The following NTRK3 variants were observed in gnomAD, a reference collection of about 807,000 sequenced individuals.
NTRK3 encodes neurotrophic receptor tyrosine kinase 3.
A neutral mutation model predicts 91.7 loss-of-function variants in NTRK3; 24 were observed. That is an observed-to-expected ratio of 0.26 (90% confidence interval 0.19 to 0.37). The LOEUF is 0.37. Ranked by LOEUF, NTRK3 falls within the 10% of genes least tolerant of loss-of-function variation. The probability of loss-of-function intolerance (pLI) is 1.00; values close to 1 mark genes in which losing one functional copy is unlikely to be tolerated. For missense variants in NTRK3, 880 were observed against 1,068.9 expected (o/e 0.82, Z 2.46); for synonymous variants, 483 against 404.0 (o/e 1.20, Z -2.34).
chr15:88,250,095 G>A (rs890896771), intron 3 of NTRK3, among the ~76,000 whole-genome samples: 3 of 152,192 alleles, frequency 2.0e-5, no homozygotes, highest in African/African-American at 7.2e-5. Context: ...GGGGCCGTAA[G>A]TATTCCCGCT....
chr15:88,147,132 T>C (rs1032286403), intron 6 of NTRK3, among the ~76,000 whole-genome samples: 3 of 152,146 alleles, frequency 2.0e-5, no homozygotes, highest in Non-Finnish European at 4.4e-5. Context: ...CTGAAATAGA[T>C]TGTGCCCAGA....
At chr15:88,005,787 A>G (rs553868450) in intron 14 of NTRK3, among the ~76,000 whole-genome samples, 200 of 152,260 alleles carry the variant, frequency 1.3e-3, no homozygotes, top group African/African-American at 4.3e-3. Flanking sequence ...TTCAATTTCC[A>G]TAACATTCCA....
intron 13 of NTRK3, among the ~76,000 whole-genome samples, chr15:88,088,180 TC>T (rs890963287): frequency 2.0e-5 from 3 of 152,206 alleles, no homozygotes; most frequent in African/African-American, 7.2e-5. Flanking sequence ...GGCCTCAGTT[TC>T]CCCACCTGTA....
intron 13 of NTRK3, among the ~76,000 whole-genome samples, chr15:88,088,624 T>G (rs1447533579): frequency 6.6e-6 from 1 of 152,172 alleles, no homozygotes; most frequent in Non-Finnish European, 1.5e-5. Flanking sequence ...TACATAGTCA[T>G]AGAAGTAATA....
rs767779609 is a variant in NTRK3, at chr15:87,984,609, T to C, written c.1586-43856A>G. Among the ~76,000 whole-genome samples the C allele has an allele frequency of 1.1e-4, 17 of 152,274 alleles. 1 individual carries two copies. Among genetic ancestry groups the C allele is most frequent in the Non-Finnish European group, 2.1e-4 (14 of 68,042 alleles). ...TTTTATTACTCTGAGATTGCAAACCTAACCCACAGGCCGTATATGGCCTTA... is the reference window on the plus strand; with the variant it reads ...TTTTATTACTCTGAGATTGCAAACCCAACCCACAGGCCGTATATGGCCTTA... On this transcript the variant is annotated intron_variant, in intron 14 of 18. Transcript: ENST00000394480.
At chr15:88,059,828 G>A (rs1567313576) in intron 13 of NTRK3, among the ~76,000 whole-genome samples, 1 of 152,208 alleles carries the variant, frequency 6.6e-6, no homozygotes, top group Non-Finnish European at 1.5e-5. Context: ...AGGTTAAAAT[G>A]AGGTCATTAG....
chr15:88,058,862 A>G (rs910461594), intron 13 of NTRK3, among the ~76,000 whole-genome samples: 4 of 152,200 alleles, frequency 2.6e-5, no homozygotes, highest in Non-Finnish European at 5.9e-5. Flanking sequence ...GAGGCAGTAA[A>G]GGGAGGACCT....
At chr15:88,249,834 A>C (rs1166396515) in intron 3 of NTRK3, among the ~76,000 whole-genome samples, 2 of 152,098 alleles carry the variant, frequency 1.3e-5, no homozygotes, top group East Asian at 3.9e-4. Flanking sequence ...ACATGAGCTG[A>C]TCACTCAGTT....
intron 14 of NTRK3, among the ~76,000 whole-genome samples, chr15:88,024,492 G>T (rs2077861898): frequency 6.6e-6 from 1 of 152,190 alleles, no homozygotes; most frequent in Non-Finnish European, 1.5e-5. Flanking sequence ...AAAGGAAGTT[G>T]AAGAGAACCA....
At chr15:88,162,634 TAGAAC>T (rs2044569542) in intron 5 of NTRK3, among the ~76,000 whole-genome samples, 2 of 152,306 alleles carry the variant, frequency 1.3e-5, no homozygotes, top group South Asian at 2.1e-4. Context: ...GATTACATGA[TAGAAC>T]AGAAGGGGAT....
intron 5 of NTRK3, among the ~76,000 whole-genome samples, chr15:88,160,706 C>G (rs536296627): frequency 6.6e-6 from 1 of 152,342 alleles, no homozygotes; most frequent in East Asian, 1.9e-4. Context: ...AGCAGACCCA[C>G]TTTTAGGACC....
At chr15:88,173,270 T>G (rs1443928799) in intron 5 of NTRK3, among the ~76,000 whole-genome samples, 1 of 152,174 alleles carries the variant, frequency 6.6e-6, no homozygotes, top group African/African-American at 2.4e-5. Flanking sequence ...CACAAAATTT[T>G]GGGATGTTAG....
At chr15:88,095,426 A>G (rs929841068) in intron 13 of NTRK3, among the ~76,000 whole-genome samples, 1 of 152,200 alleles carries the variant, frequency 6.6e-6, no homozygotes, top group Non-Finnish European at 1.5e-5. Context: ...AGTGGTCTCC[A>G]TTGAACCATG....
rs569602295 is a variant in NTRK3, at chr15:88,042,620, G to A, written c.1397-9575C>T. 5.1e-4 allele frequency among the ~76,000 whole-genome samples: 78 copies of A among 152,282 alleles called. 1 individual carries two copies. Among genetic ancestry groups the A allele is most frequent in the African/African-American group, 1.5e-3 (61 of 41,556 alleles). ...GAACCAAAGGCGTTGTTCATGCCTCGCAGCATTCATAGCTTGGAGGTATCA... is the reference window on the plus strand; with the variant it reads ...GAACCAAAGGCGTTGTTCATGCCTCACAGCATTCATAGCTTGGAGGTATCA... On this transcript the variant is annotated intron_variant, in intron 13 of 18. Transcript: ENST00000394480.
chr15:87,861,415 A>G (rs2064519835), exon 19 of NTRK3: 1 of 208,402 alleles, frequency 4.8e-6, no homozygotes, highest in East Asian at 7.3e-5. Context: ...GAAACAAATC[A>G]GTGTATATCA....
intron 5 of NTRK3, among the ~76,000 whole-genome samples, chr15:88,170,948 C>G (rs1449367417): frequency 6.6e-6 from 1 of 152,136 alleles, no homozygotes; most frequent in Non-Finnish European, 1.5e-5. Flanking sequence ...CCCAGGCCCT[C>G]TAGAGAATTC....
chr15:88,014,667 C>T (rs541036628), intron 14 of NTRK3, among the ~76,000 whole-genome samples: 280 of 152,300 alleles, frequency 1.8e-3, no homozygotes, highest in Non-Finnish European at 3.1e-3. Context: ...TGGGCTGCCA[C>T]TTTTCCACCT....
At chr15:88,227,758 C>G (rs2050803463) in intron 3 of NTRK3, among the ~76,000 whole-genome samples, 1 of 152,080 alleles carries the variant, frequency 6.6e-6, no homozygotes, top group South Asian at 2.1e-4. Context: ...CCGTTCCTCC[C>G]TCCCCCTTTA....
At chr15:88,152,509 C>T (rs1308584332) in intron 5 of NTRK3, among the ~76,000 whole-genome samples, 2 of 152,142 alleles carry the variant, frequency 1.3e-5, no homozygotes, top group Non-Finnish European at 2.9e-5. Flanking sequence ...AAATGGCCAT[C>T]TACAAGTCAA....
Sources: gnomAD v4.1 joint callset for allele counts (sites outside exome capture counted in the v4.1 genomes callset) on GRCh38, gnomAD v4.1.1 for gene constraint, MANE v1.5 for transcripts, NCBI Gene and HGNC (gene_info 2026-07-23, HGNC 2026-07-21) for gene names.